The following KALRN variants were observed in gnomAD, a reference collection of about 807,000 sequenced individuals.
The protein encoded by KALRN is kalirin RhoGEF kinase.
A neutral mutation model predicts 353.7 loss-of-function variants in KALRN; 70 were observed. That is an observed-to-expected ratio of 0.20 (90% CI 0.16 to 0.24). KALRN has a LOEUF of 0.24. KALRN is among the 10% of genes least tolerant of loss of function. KALRN has a pLI of 1.00. For synonymous variants in KALRN, 1,391 were observed against 1,434.8 expected, an observed-to-expected ratio of 0.97 and a Z score of 0.69; for missense variants, 2,791 against 3,756.7, an observed-to-expected ratio of 0.74 and a Z score of 6.72.
chr3:124,667,350 C>T (rs3755692), intron 47 of KALRN, among the ~76,000 whole-genome samples, 167 bp downstream of exon 47: 4,239 of 152,250 alleles, frequency 0.028, 80 homozygotes, highest in East Asian at 0.079. Flanking sequence ...AAGCTGAATA[C>T]ACAAGCACAA....
intron 5 of KALRN, among the ~76,000 whole-genome samples, chr3:124,281,646 C>T (rs2075356596): frequency 6.6e-6 from 1 of 152,222 alleles, no homozygotes; most frequent in African/African-American, 2.4e-5. Flanking sequence ...TGGAGGTGCT[C>T]TTTCTCCCTC....
At chr3:124,201,970 G>T (rs970917914) in intron 1 of KALRN, among the ~76,000 whole-genome samples, 1 of 152,182 alleles carries the variant, frequency 6.6e-6, no homozygotes. Context: ...GCCCTGTGAT[G>T]GGGCCAGGCT....
At position 124,599,758 on chromosome 3, in the gene KALRN, A is replaced by G. The variant is rs528039160; in HGVS notation, c.5183-32662A>G. On this transcript the variant is annotated intron_variant, in intron 34 of 59. Coordinates refer to ENST00000682506, the MANE Select transcript of KALRN (RefSeq NM_001388419.1). ...TTCTGCTTCAAAGCAGAAGACCTCAATAACCTTTTAAGGTTTTTTCCAGCC... is the reference window on the plus strand; with the variant it reads ...TTCTGCTTCAAAGCAGAAGACCTCAGTAACCTTTTAAGGTTTTTTCCAGCC... Among the ~76,000 whole-genome samples the G allele has an allele frequency of 5.3e-5, 8 of 152,360 alleles. No homozygotes were observed. In the South Asian group the frequency reaches 1.5e-3, roughly 28 times the overall value.
At chr3:124,505,275 T>C (rs1443325017) in intron 33 of KALRN, among the ~76,000 whole-genome samples, 3 of 152,136 alleles carry the variant, frequency 2.0e-5, no homozygotes, top group African/African-American at 7.2e-5. Context: ...AGAAGTGATA[T>C]TGGAAGTGTG....
At chr3:124,332,192 G>A (rs373443301) in intron 8 of KALRN, among the ~76,000 whole-genome samples, 8 of 152,054 alleles carry the variant, frequency 5.3e-5, no homozygotes, top group African/African-American at 1.4e-4. Flanking sequence ...GCACTCTACC[G>A]CAGCACCCCT....
chr3:124,087,320 T>G (rs1041789314), intron 1 of KALRN, among the ~76,000 whole-genome samples: 2 of 152,218 alleles, frequency 1.3e-5, no homozygotes, highest in South Asian at 4.1e-4. Flanking sequence ...AGAGAAAGTC[T>G]AATTTCTTTT....
chr3:124,146,529 A>C (rs2067347411), intron 1 of KALRN, among the ~76,000 whole-genome samples: 1 of 152,150 alleles, frequency 6.6e-6, no homozygotes, highest in Admixed American at 6.5e-5. Flanking sequence ...ACATCCTGGC[A>C]GGCTAGAGAG....
At chr3:124,436,180 A>C (rs1265371619) in intron 17 of KALRN, among the ~76,000 whole-genome samples, 1 of 152,214 alleles carries the variant, frequency 6.6e-6, no homozygotes, top group Non-Finnish European at 1.5e-5. Flanking sequence ...ATTCCTGTCT[A>C]ATATTATACA....
intron 3 of KALRN, among the ~76,000 whole-genome samples, chr3:124,250,063 G>T (rs79358739): frequency 0.011 from 1,742 of 152,268 alleles, 34 homozygotes; most frequent in African/African-American, 0.04. Flanking sequence ...CATGGCCTGG[G>T]GGGGGTGGCT....
At chr3:124,277,776 G>A (rs7610173) in intron 5 of KALRN, among the ~76,000 whole-genome samples, 29,654 of 152,178 alleles carry the variant, frequency 0.19, 2,987 homozygotes, top group South Asian at 0.3. Context: ...TCAAGAGAGT[G>A]GAAGGTGCCA....
intron 32 of KALRN, among the ~76,000 whole-genome samples, chr3:124,495,988 T>TATAC (rs2063750529): frequency 1.1e-4 from 6 of 53,722 alleles, no homozygotes; most frequent in African/African-American, 6.2e-4. Context: ...TATATATATA[T>TATAC]ATATATATAT....
intron 34 of KALRN, among the ~76,000 whole-genome samples, chr3:124,631,226 T>C (rs62265578): frequency 0.24 from 36,516 of 152,058 alleles, 4,547 homozygotes; most frequent in Middle Eastern, 0.36. Context: ...TCCATACCCA[T>C]GCCTCTCGCT....
At chr3:124,230,745 A>G (rs1466913016) in intron 2 of KALRN, among the ~76,000 whole-genome samples, 1 of 152,006 alleles carries the variant, frequency 6.6e-6, no homozygotes, top group African/African-American at 2.4e-5. Context: ...GGCTTAGGGA[A>G]CATTGCCCTT....
chr3:124,484,783 A>G (rs1327920240), intron 28 of KALRN, among the ~76,000 whole-genome samples: 2 of 152,168 alleles, frequency 1.3e-5, no homozygotes, highest in East Asian at 3.8e-4. Context: ...CTTCTTTCCT[A>G]TCCCACTTGA....
intron 1 of KALRN, among the ~76,000 whole-genome samples, chr3:124,183,070 T>G (rs796425045): frequency 6.6e-6 from 1 of 152,280 alleles, no homozygotes; most frequent in Non-Finnish European, 1.5e-5. Flanking sequence ...AAATAAGGCT[T>G]TCAAGAGGTG....
intron 10 of KALRN, among the ~76,000 whole-genome samples, chr3:124,377,087 T>C (rs2086694496): frequency 6.6e-6 from 1 of 152,174 alleles, no homozygotes; most frequent in Non-Finnish European, 1.5e-5. Flanking sequence ...CTGGAAGTTA[T>C]AGTTAGAGAG....
At chr3:124,225,290 T>A (rs1031344893) in intron 1 of KALRN, among the ~76,000 whole-genome samples, 7 of 152,248 alleles carry the variant, frequency 4.6e-5, no homozygotes, top group Non-Finnish European at 8.8e-5. Context: ...TTTTGGCAAG[T>A]GAAAAACTGA....
chr3:124,702,957 C>T lies in KALRN; in HGVS notation c.8075+841C>T, dbSNP rs151309193. Among the ~76,000 whole-genome samples, 37 of 152,160 alleles carry T rather than the reference C, an allele frequency of 2.4e-4. 1 individual carries two copies. Among genetic ancestry groups the T allele is most frequent in the Middle Eastern group, 3.4e-3 (1 of 294 alleles). ...GGGAAAGAAACAAAAGGCATTCATCCCTATGCATGCTTTGGTCTCCAGGTG... is the reference window on the plus strand; with the variant it reads ...GGGAAAGAAACAAAAGGCATTCATCTCTATGCATGCTTTGGTCTCCAGGTG... On this transcript the variant is annotated intron_variant, in intron 57 of 59. Transcript: ENST00000682506.
At chr3:124,631,388 A>G (rs1160987391) in intron 34 of KALRN, among the ~76,000 whole-genome samples, 2 of 152,094 alleles carry the variant, frequency 1.3e-5, no homozygotes, top group Non-Finnish European at 2.9e-5. Context: ...GGGCATCTCA[A>G]AGATGTCTAA....
Sources: gnomAD v4.1 joint callset for allele counts (sites outside exome capture counted in the v4.1 genomes callset) on GRCh38, gnomAD v4.1.1 for gene constraint, MANE v1.5 for transcripts, NCBI Gene and HGNC (gene_info 2026-07-23, HGNC 2026-07-21) for gene names.